AUH: variants seen among roughly 807,000 people sequenced by gnomAD.
AUH encodes the protein methylglutaconyl-CoA hydratase, mitochondrial.
A neutral mutation model predicts 42.3 loss-of-function variants in AUH; 29 were observed. That is an observed-to-expected ratio of 0.69 (90% CI 0.51 to 0.93). The LOEUF is 0.93. Ranked by LOEUF, AUH falls within the 40% of genes least tolerant of loss-of-function variation. The probability of loss-of-function intolerance (pLI) is 0.00; values close to 1 mark genes in which losing one functional copy is unlikely to be tolerated. For synonymous variants in AUH, 174 were observed against 166.4 expected (o/e 1.05, Z -0.35); for missense variants, 452 against 438.1 (o/e 1.03, Z -0.28).
At chr9:91,323,706 G>C (rs1448275754) in intron 4 of AUH, among the ~76,000 whole-genome samples, 1 of 151,578 alleles carries the variant, frequency 6.6e-6, no homozygotes, top group Admixed American at 6.6e-5. Flanking sequence ...TCATTCAAAG[G>C]AATAAATGCT....
At chr9:91,232,201 G>GT (rs1424394809) in intron 6 of AUH, among the ~76,000 whole-genome samples, 1 of 151,956 alleles carries the variant, frequency 6.6e-6, no homozygotes, top group African/African-American at 2.4e-5. Context: ...CCTGGCCAAC[G>GT]TAACAAGACT....
rs988334519 is a variant in AUH, at chr9:91,260,792, G to A, written c.655+35229C>T. On this transcript the variant is annotated intron_variant, in intron 6 of 9. Coordinates refer to ENST00000375731, the MANE Select transcript of AUH (RefSeq NM_001698.3). ...ATATACAATAGACCCAGGTCACTGA[G>A]GCTCTGTTCGTTATAGTTTTTAGGT... Among the ~76,000 whole-genome samples, 7 of 152,216 alleles carry A rather than the reference G, an allele frequency of 4.6e-5. No homozygotes were observed. In the East Asian group the frequency reaches 1.4e-3, roughly 29 times the overall value.
At chr9:91,281,711 TC>T (rs1825977578) in intron 6 of AUH, among the ~76,000 whole-genome samples, 1 of 152,216 alleles carries the variant, frequency 6.6e-6, no homozygotes, top group Non-Finnish European at 1.5e-5. Context: ...TACATCGGTT[TC>T]TTTTATGTTA....
chr9:91,250,310 CTT>C (rs888547775), intron 6 of AUH, among the ~76,000 whole-genome samples: 10 of 152,284 alleles, frequency 6.6e-5, no homozygotes, highest in African/African-American at 9.6e-5. Context: ...GAAAAATTCT[CTT>C]GATACCACAC....
At chr9:91,304,445 T>A (rs967781988) in intron 4 of AUH, among the ~76,000 whole-genome samples, 1 of 152,142 alleles carries the variant, frequency 6.6e-6, no homozygotes, top group Non-Finnish European at 1.5e-5. Flanking sequence ...ATACTGCGAG[T>A]GATGCAGAGT....
chr9:91,313,487 T>G (rs975363882), intron 4 of AUH, among the ~76,000 whole-genome samples: 2 of 150,580 alleles, frequency 1.3e-5, no homozygotes, highest in African/African-American at 4.9e-5. Flanking sequence ...GGGTGGATCA[T>G]GAGGTCAGGA....
chr9:91,343,768 T>C (rs1004061986), intron 3 of AUH, among the ~76,000 whole-genome samples: 2 of 152,188 alleles, frequency 1.3e-5, no homozygotes, highest in African/African-American at 2.4e-5. Context: ...GATATCATTA[T>C]AGATTCAATG....
At chr9:91,335,595 G>A (rs1254621606) in intron 3 of AUH, among the ~76,000 whole-genome samples, 1 of 152,044 alleles carries the variant, frequency 6.6e-6, no homozygotes, top group East Asian at 1.9e-4. Flanking sequence ...TTATTCTGCA[G>A]TTATTTTTTC....
intron 3 of AUH, among the ~76,000 whole-genome samples, chr9:91,339,133 A>T (rs1830914871): frequency 6.6e-6 from 1 of 152,232 alleles, no homozygotes; most frequent in African/African-American, 2.4e-5. Flanking sequence ...TATAAAGTAC[A>T]GCTACTCCTT....
chr9:91,216,285 T>TC (rs1826816152), intron 8 of AUH, among the ~76,000 whole-genome samples, 179 bp from the exon 9 acceptor site: 1 of 152,124 alleles, frequency 6.6e-6, no homozygotes, highest in Non-Finnish European at 1.5e-5. Flanking sequence ...TCGTCCTGAC[T>TC]CCCTCACTTG....
chr9:91,291,916 C>G (rs1407968218), intron 6 of AUH, among the ~76,000 whole-genome samples: 1 of 98,882 alleles, frequency 1.0e-5, no homozygotes, highest in Non-Finnish European at 2.0e-5. Flanking sequence ...GAGTGAGACT[C>G]CGTGTCAAAA....
In AUH at chr9:91,217,315, T is replaced by A; in HGVS notation, c.856A>T (p.Met286Leu). The A allele has an allele frequency of 1.2e-6, 2 of 1,613,760 alleles. No homozygotes were observed. The highest frequency in any genetic ancestry group is 1.7e-6 in the Non-Finnish European group (2 of 1,179,714). Residue 286 changes from methionine to leucine, a missense_variant, in exon 8 of 10, where the codon ATG becomes TTG. Coordinates refer to ENST00000375731, the MANE Select transcript of AUH (RefSeq NM_001698.3). Reference sequence around the variant, plus strand: ...TTAATTGCTAATTTTGCCACTCTCATTGCAACAGGTCCCTAAAATTCAAAT... The same window carrying A: ...TTAATTGCTAATTTTGCCACTCTCAATGCAACAGGTCCCTAAAATTCAAAT... ...REFLPQGPVAMRVAKLAINQG... is the reference protein window; with the variant it reads ...REFLPQGPVALRVAKLAINQG...
At chr9:91,324,720 G>A (rs1192505520) in intron 4 of AUH, among the ~76,000 whole-genome samples, 4 of 150,502 alleles carry the variant, frequency 2.7e-5, no homozygotes, top group Admixed American at 2.0e-4. Flanking sequence ...GTCTTTAACC[G>A]ATGGGAATAT....
rs74539060 is a variant in AUH at position 91,329,022 on chromosome 9, T to A, written c.419-3618A>T. 3.5e-3 allele frequency among the ~76,000 whole-genome samples: 527 copies of A among 152,332 alleles called. 18 individuals are homozygous for A. In the East Asian group the frequency reaches 0.088, roughly 25 times the overall value. On this transcript the variant is annotated intron_variant, in intron 3 of 9. Coordinates refer to ENST00000375731, the MANE Select transcript of AUH (RefSeq NM_001698.3). ...TTCCTATAAATAAATTCATACAATATGTGGTCTTTTTTTGTCTGTTTTCTT... is the reference window on the plus strand; with the variant it reads ...TTCCTATAAATAAATTCATACAATAAGTGGTCTTTTTTTGTCTGTTTTCTT...
chr9:91,356,004 A>AG (rs1402211664), intron 2 of AUH, 34 bp from the exon 3 acceptor site: 13 of 1,590,776 alleles, frequency 8.2e-6, no homozygotes, highest in Non-Finnish European at 9.5e-6. Context: ...GAGGAAAAAG[A>AG]GAAAAAAAAA....
intron 6 of AUH, among the ~76,000 whole-genome samples, chr9:91,225,720 G>A (rs1286510215): frequency 2.2e-5 from 2 of 91,388 alleles, no homozygotes; most frequent in Non-Finnish European, 4.2e-5. Flanking sequence ...CCACACCACA[G>A]TCCCCAGAGT....
rs1403298039 is a variant in AUH at position 91,252,311 on chromosome 9, C to T, written c.656-31319G>A. Among the ~76,000 whole-genome samples, 5 of 152,002 alleles carry T rather than the reference C, an allele frequency of 3.3e-5. No individual in the cohort carries two copies. The East Asian group carries it at 9.7e-4, about 29-fold the overall frequency. On this transcript the variant is annotated intron_variant, in intron 6 of 9. Transcript: ENST00000375731. ...AAGTAGTAGGCATTTAAAAACAAAA[C>T]TTGTACATATGGTCAAGGAAGAGCT...
intron 3 of AUH, among the ~76,000 whole-genome samples, chr9:91,348,821 G>A (rs896899879): frequency 1.4e-4 from 21 of 152,100 alleles, no homozygotes; most frequent in African/African-American, 5.1e-4. Context: ...TCATGATTCT[G>A]ATCATGGTTT....
intron 6 of AUH, among the ~76,000 whole-genome samples, chr9:91,286,562 A>T (rs1046829724): frequency 2.6e-5 from 4 of 152,160 alleles, no homozygotes; most frequent in Non-Finnish European, 5.9e-5. Context: ...CCAAAGTGGG[A>T]TGACCTAACA....
Sources: allele counts gnomAD v4.1 joint callset (sites outside exome capture counted in the v4.1 genomes callset), GRCh38; gene constraint gnomAD v4.1.1; transcripts MANE v1.5; gene names NCBI Gene and HGNC (gene_info 2026-07-23, HGNC 2026-07-21).